The following CDH18 variants were observed in gnomAD, a reference collection of about 807,000 sequenced individuals.
CDH18 encodes the protein cadherin-18.
CDH18 carries 31 observed loss-of-function variants against 67.9 expected under a neutral mutation model. That is an observed-to-expected ratio of 0.46 (90% CI 0.34 to 0.62). The LOEUF (loss-of-function observed/expected upper bound fraction) is 0.62, where lower values mean the gene tolerates loss of function less well. Among genes scored for constraint, CDH18 ranks in the 20% least tolerant of loss-of-function variants. The pLI, the probability that CDH18 is intolerant of heterozygous loss-of-function variation, is 0.01. For missense variants in CDH18, 890 were observed against 975.5 expected (o/e 0.91, Z 1.17); for synonymous variants, 362 against 347.2 (o/e 1.04, Z -0.48).
chr5:20,275,655 C>T (rs1252536219), intron 1 of CDH18, among the ~76,000 whole-genome samples: 1 of 152,106 alleles, frequency 6.6e-6, no homozygotes, highest in Non-Finnish European at 1.5e-5. Flanking sequence ...AAATAGAAGC[C>T]TTCACTGATT....
chr5:19,525,585 T>C (rs1747638170), intron 9 of CDH18, among the ~76,000 whole-genome samples: 1 of 152,190 alleles, frequency 6.6e-6, no homozygotes, highest in African/African-American at 2.4e-5. Context: ...ATTCAATAAC[T>C]GCTGTCTGTT....
intron 1 of CDH18, among the ~76,000 whole-genome samples, chr5:20,523,622 C>T (rs1239459946): frequency 6.6e-6 from 1 of 152,132 alleles, no homozygotes; most frequent in Non-Finnish European, 1.5e-5. Context: ...GTCACTGTAA[C>T]CTCCGCCTCC....
chr5:20,080,235 A>T (rs1744332521), intron 2 of CDH18, among the ~76,000 whole-genome samples: 1 of 152,044 alleles, frequency 6.6e-6, no homozygotes, highest in Non-Finnish European at 1.5e-5. Flanking sequence ...TAGTCCACTT[A>T]TTATCCTTTT....
chr5:20,067,091 G>C (rs2150518610), intron 2 of CDH18, among the ~76,000 whole-genome samples: 1 of 151,720 alleles, frequency 6.6e-6, no homozygotes, highest in South Asian at 2.1e-4. Flanking sequence ...ATTGTATTAG[G>C]TATCACCAAT....
chr5:20,192,961 AT>A (rs1738666964), intron 2 of CDH18, among the ~76,000 whole-genome samples: 1 of 152,152 alleles, frequency 6.6e-6, no homozygotes, highest in Non-Finnish European at 1.5e-5. Flanking sequence ...TTTTCATGAC[AT>A]TAATTCTTCC....
At chr5:20,294,090 G>T (rs984511051) in intron 1 of CDH18, among the ~76,000 whole-genome samples, 2 of 152,124 alleles carry the variant, frequency 1.3e-5, no homozygotes, top group African/African-American at 4.8e-5. Context: ...ATAGTAAACA[G>T]AAGTTGCACT....
At chr5:20,171,699 T>G (rs1736725617) in intron 2 of CDH18, among the ~76,000 whole-genome samples, 2 of 152,004 alleles carry the variant, frequency 1.3e-5, no homozygotes, top group African/African-American at 4.8e-5. Flanking sequence ...TTCTTTTGCA[T>G]TGCAAAAGCT....
At chr5:19,649,170 T>G (rs1390142721) in intron 5 of CDH18, among the ~76,000 whole-genome samples, 1 of 152,180 alleles carries the variant, frequency 6.6e-6, no homozygotes, top group African/African-American at 2.4e-5. Flanking sequence ...TCTTGAGATA[T>G]CCATACAGAA....
At chr5:19,662,416 A>G (rs1204163583) in intron 5 of CDH18, among the ~76,000 whole-genome samples, 1 of 152,030 alleles carries the variant, frequency 6.6e-6, no homozygotes, top group African/African-American at 2.4e-5. Flanking sequence ...CACTGTGCAT[A>G]AAGAAGGTAA....
chr5:20,499,242 T>C (rs750755938), intron 1 of CDH18, among the ~76,000 whole-genome samples: 16 of 152,112 alleles, frequency 1.1e-4, no homozygotes, highest in Non-Finnish European at 2.1e-4. Context: ...GGTATTCGCA[T>C]ACAAGCTAAG....
rs567950422 is a variant in CDH18 at position 20,192,621 on chromosome 5, T to C, written c.-518+62823A>G. On this transcript the variant is annotated intron_variant, in intron 2 of 14. Coordinates refer to the CDH18 transcript ENST00000507958. ...AATGAATAGGAGATCCTTTCCCTAT[T>C]GCCTGTTTTTGTCAGGTTTGTCAAA... Among the ~76,000 whole-genome samples the C allele has an allele frequency of 2.2e-3, 338 of 152,264 alleles. 2 individuals carry two copies. Among genetic ancestry groups the C allele is most frequent in the African/African-American group, 7.8e-3 (324 of 41,556 alleles).
chr5:19,633,115 T>G (rs1752651265), intron 5 of CDH18, among the ~76,000 whole-genome samples: 2 of 152,218 alleles, frequency 1.3e-5, no homozygotes. Context: ...TACATACTGA[T>G]TTCTGTGATG....
At chr5:19,875,827 A>G (rs1004601510) in intron 2 of CDH18, among the ~76,000 whole-genome samples, 2 of 152,030 alleles carry the variant, frequency 1.3e-5, no homozygotes, top group African/African-American at 4.8e-5. Context: ...ATTGAAAAAT[A>G]AAGAATTCTG....
chr5:19,870,771 T>G (rs894534899), intron 2 of CDH18, among the ~76,000 whole-genome samples: 1 of 152,162 alleles, frequency 6.6e-6, no homozygotes, highest in Non-Finnish European at 1.5e-5. Context: ...GGTCCAAGGA[T>G]TCAGTGTATT....
chr5:19,981,785 C>A (rs1165204443), intron 1 of CDH18, among the ~76,000 whole-genome samples: 1 of 152,158 alleles, frequency 6.6e-6, no homozygotes, highest in African/African-American at 2.4e-5. Context: ...GCTTTTCACT[C>A]TCCCTGGAAT....
intron 12 of CDH18, among the ~76,000 whole-genome samples, chr5:19,476,216 G>T (rs375443797): frequency 6.6e-6 from 1 of 152,022 alleles, no homozygotes; most frequent in African/African-American, 2.4e-5. Context: ...GAAATGAAAA[G>T]ATATTAGCAT....
intron 5 of CDH18, among the ~76,000 whole-genome samples, chr5:19,707,813 G>T (rs189403024): frequency 1.3e-5 from 2 of 152,274 alleles, no homozygotes; most frequent in East Asian, 3.9e-4. Context: ...TGCTTGTTTG[G>T]GAAGATTGCA....
Position 19,642,311 on chromosome 5 carries a change from G to A in CDH18, c.644-29710C>T, listed in dbSNP as rs1329239300. 2.0e-5 allele frequency among the ~76,000 whole-genome samples: 3 copies of A among 151,580 alleles called. No homozygotes were observed. In the East Asian group the frequency reaches 5.8e-4, roughly 29 times the overall value. ...TCAAAATCCCAATGACTTTCTTTAT[G>A]GAAATAGAAAAAAAAATCCTAAAAT... On this transcript the variant is annotated intron_variant, in intron 5 of 12. Transcript: ENST00000382275.
chr5:19,631,787 A>G (rs1752452300), intron 5 of CDH18, among the ~76,000 whole-genome samples: 1 of 152,176 alleles, frequency 6.6e-6, no homozygotes, highest in African/African-American at 2.4e-5. Flanking sequence ...CTATTTAAAA[A>G]TATCTATTTC....
Sources: gnomAD v4.1 joint callset for allele counts (sites outside exome capture counted in the v4.1 genomes callset) on GRCh38, gnomAD v4.1.1 for gene constraint, MANE v1.5 for transcripts, NCBI Gene and HGNC (gene_info 2026-07-23, HGNC 2026-07-21) for gene names.